Variants in PTPN14 observed in about 807,000 individuals in gnomAD.
PTPN14 encodes the protein tyrosine-protein phosphatase non-receptor type 14.
In PTPN14, 53 loss-of-function variants were observed where a neutral mutation model predicts 126.8. The observed-to-expected ratio is 0.42, with a 90% CI of 0.34 to 0.53. The LOEUF (loss-of-function observed/expected upper bound fraction) is 0.53. PTPN14 is among the 20% of genes least tolerant of loss of function. The pLI, the probability that PTPN14 is intolerant of heterozygous loss-of-function variation, is 0.08. For missense variants in PTPN14, 1,257 were observed against 1,552.9 expected, an observed-to-expected ratio of 0.81 and a Z score of 3.20; for synonymous variants, 630 against 599.3, an observed-to-expected ratio of 1.05 and a Z score of -0.75.
At chr1:214,521,124 T>C (rs1375354594) in intron 1 of PTPN14, among the ~76,000 whole-genome samples, 1 of 152,094 alleles carries the variant, frequency 6.6e-6, no homozygotes, top group Non-Finnish European at 1.5e-5. Flanking sequence ...TCAATGCAAT[T>C]TAAAAAATAA....
intron 3 of PTPN14, among the ~76,000 whole-genome samples, chr1:214,436,660 G>C (rs887814855): frequency 6.6e-6 from 1 of 151,964 alleles, no homozygotes; most frequent in Non-Finnish European, 1.5e-5. Context: ...GGTGGTGGGC[G>C]CCTGTAATCC....
intron 1 of PTPN14, chr1:214,533,266 G>T (rs530840221): frequency 1.6e-6 from 1 of 614,910 alleles, no homozygotes; most frequent in African/African-American, 1.8e-5. Flanking sequence ...CCAGGAGTGC[G>T]AGGCCCTGCT....
chr1:214,491,187 T>C (rs1219147506), intron 1 of PTPN14, among the ~76,000 whole-genome samples: 1 of 152,088 alleles, frequency 6.6e-6, no homozygotes, highest in Non-Finnish European at 1.5e-5. Context: ...CCATAGATGA[T>C]AGTAATGATG....
chr1:214,532,622 A>G (rs867501891), intron 1 of PTPN14: 64 of 910,410 alleles, frequency 7.0e-5, no homozygotes, highest in Middle Eastern at 2.7e-4. Flanking sequence ...ACTGTGGACA[A>G]TGCCTGCATC....
intron 1 of PTPN14, among the ~76,000 whole-genome samples, chr1:214,486,732 C>T (rs1196522369): frequency 6.6e-6 from 1 of 152,128 alleles, no homozygotes; most frequent in Non-Finnish European, 1.5e-5. Context: ...AGCATTGTTC[C>T]CCTTCTGTTT....
intron 1 of PTPN14, among the ~76,000 whole-genome samples, chr1:214,549,262 G>A (rs1487185980): frequency 6.6e-6 from 1 of 152,192 alleles, no homozygotes; most frequent in African/African-American, 2.4e-5. Context: ...ACCACGTACA[G>A]AATGCTACTG....
intron 1 of PTPN14, among the ~76,000 whole-genome samples, chr1:214,535,461 A>G (rs1405007298): frequency 6.6e-6 from 1 of 152,236 alleles, no homozygotes; most frequent in Non-Finnish European, 1.5e-5. Flanking sequence ...TGTAAAAAAC[A>G]GACAAAAGCA....
At chr1:214,399,003 G>A (rs576270574) in intron 7 of PTPN14, among the ~76,000 whole-genome samples, 3 of 151,916 alleles carry the variant, frequency 2.0e-5, no homozygotes, top group African/African-American at 2.4e-5. Context: ...TCTTGACCTC[G>A]TGATCCACCC....
At chr1:214,527,547 T>A (rs530611499) in intron 1 of PTPN14, among the ~76,000 whole-genome samples, 43 of 152,342 alleles carry the variant, frequency 2.8e-4, no homozygotes, top group African/African-American at 1.0e-3. Flanking sequence ...CAGAGTCTTC[T>A]CTAAAAATTA....
chr1:214,481,814 T>C (rs1168486311), intron 1 of PTPN14, among the ~76,000 whole-genome samples: 1 of 151,468 alleles, frequency 6.6e-6, no homozygotes, highest in Admixed American at 6.6e-5. Context: ...TGAAACCCCA[T>C]CTCTACTAAA....
At chr1:214,505,529 G>A (rs1654819623) in intron 1 of PTPN14, among the ~76,000 whole-genome samples, 1 of 152,242 alleles carries the variant, frequency 6.6e-6, no homozygotes, top group African/African-American at 2.4e-5. Flanking sequence ...CGGAATGGGA[G>A]ATGCAGCAGC....
intron 1 of PTPN14, among the ~76,000 whole-genome samples, chr1:214,501,194 T>C (rs572100549): frequency 3.0e-4 from 45 of 152,328 alleles, no homozygotes; most frequent in African/African-American, 9.9e-4. Flanking sequence ...TATTAAGCCA[T>C]GTGAGAGCTG....
chr1:214,391,344 C>A (rs1242218244), intron 10 of PTPN14, among the ~76,000 whole-genome samples: 4 of 151,632 alleles, frequency 2.6e-5, no homozygotes, highest in African/African-American at 9.7e-5. Flanking sequence ...AAAAATATCA[C>A]CATTATTACA....
At chr1:214,472,741 G>GA (rs1250076811) in intron 1 of PTPN14, among the ~76,000 whole-genome samples, 2 of 152,132 alleles carry the variant, frequency 1.3e-5, no homozygotes, top group Admixed American at 6.5e-5. Flanking sequence ...TTTTTCAGGG[G>GA]AAAAAATTGA....
chr1:214,495,913 C>T (rs537130858), intron 1 of PTPN14, among the ~76,000 whole-genome samples: 5 of 152,140 alleles, frequency 3.3e-5, no homozygotes, highest in East Asian at 1.9e-4. Context: ...AGGCTGGTCT[C>T]GAACTCCCGA....
intron 1 of PTPN14, chr1:214,532,343 C>T (rs1341418316): frequency 1.6e-5 from 9 of 553,870 alleles, no homozygotes; most frequent in Non-Finnish European, 3.0e-5. Flanking sequence ...ACACCAGCTT[C>T]TGGGATGGCT....
At chr1:214,527,758 A>C (rs1030070330) in intron 1 of PTPN14, among the ~76,000 whole-genome samples, 1 of 152,198 alleles carries the variant, frequency 6.6e-6, no homozygotes, top group African/African-American at 2.4e-5. Flanking sequence ...AAAAATCTGT[A>C]AGGTGGTAGA....
intron 3 of PTPN14, among the ~76,000 whole-genome samples, chr1:214,451,016 G>C (rs1160910881): frequency 6.6e-6 from 1 of 152,086 alleles, no homozygotes; most frequent in South Asian, 2.1e-4. Flanking sequence ...TCCTGCTCTC[G>C]CAACATTTTC....
chr1:214,539,110 T>C (rs1442287333), intron 1 of PTPN14, among the ~76,000 whole-genome samples: 1 of 152,204 alleles, frequency 6.6e-6, no homozygotes, highest in East Asian at 1.9e-4. Context: ...TGTTTAATCA[T>C]TTTAACGATC....
Sources: gnomAD v4.1 joint callset for allele counts (sites outside exome capture counted in the v4.1 genomes callset) on GRCh38, gnomAD v4.1.1 for gene constraint, MANE v1.5 for transcripts, NCBI Gene and HGNC (gene_info 2026-07-23, HGNC 2026-07-21) for gene names.